Variants in PRKCE observed in about 807,000 individuals in gnomAD.
PRKCE encodes protein kinase C epsilon.
In PRKCE, 16 loss-of-function variants were observed where a neutral mutation model predicts 85.4. The ratio of observed to expected loss-of-function variants is 0.19; its 90% CI spans 0.13 to 0.28. PRKCE has a LOEUF of 0.28. Among genes scored for constraint, PRKCE ranks in the 10% least tolerant of loss-of-function variants. PRKCE has a pLI of 1.00. For missense variants in PRKCE, 573 were observed against 975.2 expected, an observed-to-expected ratio of 0.59 and a Z score of 5.49; for synonymous variants, 388 against 371.5, an observed-to-expected ratio of 1.04 and a Z score of -0.51.
chr2:45,690,289 A>G (rs1296295201), intron 1 of PRKCE, among the ~76,000 whole-genome samples: 1 of 152,230 alleles, frequency 6.6e-6, no homozygotes, highest in East Asian at 1.9e-4. Context: ...GATGTCTGAG[A>G]TGTCTGAGTA....
chr2:46,148,504 A>T (rs1676301798), intron 12 of PRKCE, among the ~76,000 whole-genome samples: 1 of 152,172 alleles, frequency 6.6e-6, no homozygotes, highest in Non-Finnish European at 1.5e-5. Context: ...AAGGCACAGA[A>T]CCCAGCTGCC....
At chr2:46,132,484 A>C (rs1056481360) in intron 11 of PRKCE, among the ~76,000 whole-genome samples, 13 of 152,184 alleles carry the variant, frequency 8.5e-5, no homozygotes, top group Non-Finnish European at 1.5e-5. Context: ...GATGTCCATC[A>C]CATGGAGAAA....
intron 10 of PRKCE, among the ~76,000 whole-genome samples, chr2:46,035,563 A>G (rs1452703447): frequency 6.6e-6 from 1 of 152,138 alleles, no homozygotes. Flanking sequence ...ATGAAAAACC[A>G]TTAGAGGTCT....
At chr2:45,896,757 G>C (rs1379162164) in intron 2 of PRKCE, among the ~76,000 whole-genome samples, 1 of 152,190 alleles carries the variant, frequency 6.6e-6, no homozygotes, top group Admixed American at 6.5e-5. Flanking sequence ...GTGCGCAGTA[G>C]AGCTTCATGT....
At chr2:45,731,617 A>ATTTTTTTT (rs11329717) in intron 1 of PRKCE, among the ~76,000 whole-genome samples, 4 of 108,578 alleles carry the variant, frequency 3.7e-5, no homozygotes, top group South Asian at 2.9e-4. Flanking sequence ...AATTCCTGGA[A>ATTTTTTTT]TTTTTTTTTT....
At chr2:45,811,762 G>C (rs548404793) in intron 1 of PRKCE, among the ~76,000 whole-genome samples, 43 of 152,242 alleles carry the variant, frequency 2.8e-4, no homozygotes, top group Non-Finnish European at 4.4e-4. Flanking sequence ...AGATGATAGG[G>C]AGTCATCCCA....
At chr2:45,832,853 A>G (rs1439603475) in intron 1 of PRKCE, among the ~76,000 whole-genome samples, 1 of 152,224 alleles carries the variant, frequency 6.6e-6, no homozygotes, top group Non-Finnish European at 1.5e-5. Context: ...CACCCATCAA[A>G]TGGTTAAGAA....
At chr2:46,082,284 TAGAG>T (rs1370200074) in intron 10 of PRKCE, among the ~76,000 whole-genome samples, 3 of 150,968 alleles carry the variant, frequency 2.0e-5, no homozygotes, top group East Asian at 1.9e-4. Flanking sequence ...ATGATGGTGG[TAGAG>T]AGAGAGAGAA....
chr2:46,109,258 A>G (rs566735302), intron 11 of PRKCE, among the ~76,000 whole-genome samples: 1 of 152,236 alleles, frequency 6.6e-6, no homozygotes, highest in South Asian at 2.1e-4. Context: ...TGGGTATTGT[A>G]TTGAATCTAT....
At chr2:45,777,977 G>A (rs1057505465) in intron 1 of PRKCE, among the ~76,000 whole-genome samples, 5 of 152,156 alleles carry the variant, frequency 3.3e-5, no homozygotes, top group African/African-American at 1.2e-4. Flanking sequence ...ACTTGGCACC[G>A]AGTCTGTATC....
At chr2:46,111,710 C>T (rs570146269) in intron 11 of PRKCE, among the ~76,000 whole-genome samples, 1 of 152,300 alleles carries the variant, frequency 6.6e-6, no homozygotes, top group East Asian at 1.9e-4. Context: ...GGATATACCA[C>T]ATTTTGTTTA....
chr2:46,056,419 G>C (rs1666587047), intron 10 of PRKCE, among the ~76,000 whole-genome samples: 1 of 152,226 alleles, frequency 6.6e-6, no homozygotes, highest in East Asian at 1.9e-4. Flanking sequence ...ACTTATATGG[G>C]ATTAAGTTTT....
chr2:46,179,987 T>C (rs903651924), intron 14 of PRKCE, among the ~76,000 whole-genome samples: 6 of 152,204 alleles, frequency 3.9e-5, no homozygotes, highest in African/African-American at 1.4e-4. Flanking sequence ...CTAGCAGATA[T>C]CTATGGAGTA....
chr2:46,103,895 G>A (rs1272450598), intron 11 of PRKCE, among the ~76,000 whole-genome samples: 1 of 152,134 alleles, frequency 6.6e-6, no homozygotes, highest in Admixed American at 6.6e-5. Flanking sequence ...TGGAAAGGAG[G>A]AGGTGGAAGG....
At chr2:45,959,286 C>T (rs374911443) in intron 2 of PRKCE, among the ~76,000 whole-genome samples, 4 of 152,158 alleles carry the variant, frequency 2.6e-5, no homozygotes, top group East Asian at 1.9e-4. Flanking sequence ...GAAGGAGTAA[C>T]GCCTTTTTGA....
chr2:45,752,513 A>C (rs1243436026), intron 1 of PRKCE, among the ~76,000 whole-genome samples: 3 of 151,438 alleles, frequency 2.0e-5, no homozygotes, highest in Non-Finnish European at 2.9e-5. Flanking sequence ...TCTCCTGTGC[A>C]TTCATTGGTT....
intron 1 of PRKCE, among the ~76,000 whole-genome samples, chr2:45,674,437 C>T (rs764200122): frequency 2.6e-5 from 4 of 152,136 alleles, no homozygotes; most frequent in South Asian, 2.1e-4. Context: ...TCTGTCAAAC[C>T]AGGTACTAAC....
chr2:45,809,286 G>A (rs1688480916), intron 1 of PRKCE, among the ~76,000 whole-genome samples: 1 of 152,196 alleles, frequency 6.6e-6, no homozygotes, highest in Admixed American at 6.5e-5. Context: ...TTGTTATCCT[G>A]TAGCAGGAAT....
chr2:45,930,659 G>A (rs1393537853), intron 2 of PRKCE, among the ~76,000 whole-genome samples: 2 of 152,168 alleles, frequency 1.3e-5, no homozygotes, highest in African/African-American at 4.8e-5. Flanking sequence ...GAGCACCATC[G>A]CTTGCATGAT....
Sources: allele counts gnomAD v4.1 joint callset (sites outside exome capture counted in the v4.1 genomes callset), GRCh38; gene constraint gnomAD v4.1.1; transcripts MANE v1.5; gene names NCBI Gene and HGNC (gene_info 2026-07-23, HGNC 2026-07-21).